The following DRD2 variants were observed in gnomAD, a reference collection of about 807,000 sequenced individuals.
The protein encoded by DRD2 is D(2) dopamine receptor.
Under a neutral mutation model 38.0 loss-of-function variants are expected in DRD2, and 8 were observed. That is an observed-to-expected ratio of 0.21 (90% CI 0.12 to 0.38). DRD2 has a LOEUF of 0.38. Ranked by LOEUF, DRD2 falls within the 10% of genes least tolerant of loss-of-function variation. The probability of loss-of-function intolerance (pLI) is 1.00; values close to 1 mark genes in which losing one functional copy is unlikely to be tolerated. For synonymous variants in DRD2, 230 were observed against 238.6 expected (o/e 0.96, Z 0.33); for missense variants, 403 against 607.7 (o/e 0.66, Z 3.54).
rs149926361 is a variant in DRD2 at position 113,412,769 on chromosome 11, C to T, written c.925G>A (p.Asp309Asn). Residue 309 changes from aspartate to asparagine, a missense_variant, in exon 7 of 8, where the codon GAC (aspartate) becomes AAC (asparagine). Around this residue, in one of 4 missense-constraint regions of DRD2, gnomAD observed 166 missense variants for 178.6 expected, o/e 0.93. Transcript: ENST00000362072. ...PPSHHQLTLPDPSHHGLHSTP... is the reference protein window; with the variant it reads ...PPSHHQLTLPNPSHHGLHSTP... The stretch of plus-strand genomic sequence containing the variant: ...CTGTGGAGACCATGGTGGGACGGGT[C>T]GGGGAGAGTCAGCTGGTGGTGGCTG... The T allele has an allele frequency of 6.3e-5, 102 of 1,612,718 alleles. No homozygotes were observed. The highest frequency in any genetic ancestry group is 2.0e-4 in the South Asian group (18 of 90,958).
chr11:113,436,480 T>C (rs1231887393), intron 1 of DRD2, among the ~76,000 whole-genome samples: 1 of 152,184 alleles, frequency 6.6e-6, no homozygotes, highest in African/African-American at 2.4e-5. Context: ...ATCTAAACAG[T>C]AGATTTTTTA....
At chr11:113,437,128 C>T (rs1368060641) in intron 1 of DRD2, among the ~76,000 whole-genome samples, 8 of 152,162 alleles carry the variant, frequency 5.3e-5, no homozygotes, top group East Asian at 3.9e-4. Flanking sequence ...CTACTGAGCA[C>T]CTATTGCAGG....
intron 1 of DRD2, among the ~76,000 whole-genome samples, chr11:113,442,399 G>A (rs372313218): frequency 2.6e-5 from 4 of 152,314 alleles, no homozygotes; most frequent in African/African-American, 7.2e-5. Context: ...AGCTACAAAG[G>A]CTGTGTCTGA....
rs138857345 is a variant in DRD2 at position 113,472,047 on chromosome 11, G to C, written c.-32+3029C>G. On this transcript the variant is annotated intron_variant, in intron 1 of 7. Transcript: ENST00000362072. ...GTGTTGAGGCACCTTCACTGTTGGA[G>C]ATTCATAGGTATTAAGCCACAAAGC... Among the ~76,000 whole-genome samples, 272 of 152,312 alleles carry C rather than the reference G, an allele frequency of 1.8e-3. 2 individuals carry two copies. Among genetic ancestry groups the C allele is most frequent in the African/African-American group, 6.2e-3 (259 of 41,560 alleles).
intron 1 of DRD2, among the ~76,000 whole-genome samples, chr11:113,429,414 T>G (rs1950966902): frequency 6.6e-6 from 1 of 152,114 alleles, no homozygotes; most frequent in Admixed American, 6.5e-5. Context: ...CCAGCTAATT[T>G]TTTTGTATTT....
intron 7 of DRD2, 24 bp from the exon 8 acceptor site, chr11:113,410,944 C>T (rs199763428): frequency 1.3e-6 from 2 of 1,597,534 alleles, no homozygotes; most frequent in Non-Finnish European, 1.7e-6. Flanking sequence ...CATGGTCAGG[C>T]TGGTCCCCAG....
intron 5 of DRD2, 79 bp downstream of exon 5, chr11:113,415,342 C>T (rs1317309763): frequency 1.3e-6 from 2 of 1,513,554 alleles, no homozygotes; most frequent in Non-Finnish European, 1.8e-6. Flanking sequence ...TTCCCAAGCC[C>T]CCACCTGAGC....
intron 1 of DRD2, among the ~76,000 whole-genome samples, chr11:113,456,679 A>G (rs2119937902): frequency 6.6e-6 from 1 of 152,288 alleles, no homozygotes; most frequent in South Asian, 2.1e-4. Context: ...GCATTATGTG[A>G]GGTATCTAAA....
intron 1 of DRD2, among the ~76,000 whole-genome samples, chr11:113,457,228 G>A (rs1205150596): frequency 1.3e-5 from 2 of 152,130 alleles, no homozygotes; most frequent in African/African-American, 2.4e-5. Flanking sequence ...CACATCAGAT[G>A]GTCTCTCTCC....
At chr11:113,415,253 C>T in intron 5 of DRD2, 168 bp downstream of exon 5, 1 of 718,114 alleles carries the variant, frequency 1.4e-6, no homozygotes, top group Non-Finnish European at 2.1e-6. Flanking sequence ...GATTGCTCCA[C>T]TGAGGTCCAT....
At chr11:113,461,866 A>G (rs756676404) in intron 1 of DRD2, among the ~76,000 whole-genome samples, 9 of 152,198 alleles carry the variant, frequency 5.9e-5, no homozygotes, top group Non-Finnish European at 1.3e-4. Context: ...TCTTATGACT[A>G]TAAAAGGCAT....
chr11:113,454,640 C>T (rs1206321831), intron 1 of DRD2, among the ~76,000 whole-genome samples: 1 of 152,188 alleles, frequency 6.6e-6, no homozygotes, highest in Non-Finnish European at 1.5e-5. Flanking sequence ...AAAGTCAGAG[C>T]TCCCTGGACC....
In DRD2 at chr11:113,413,001, C is replaced by A. The variant is rs111786366; in HGVS notation, c.811-118G>T. 261 of 1,183,872 alleles carry A rather than the reference C, an allele frequency of 2.2e-4. No homozygotes were observed. The African/African-American group carries it at 3.3e-3, about 15-fold the overall frequency. The allele number at this position is 1,183,872 out of a possible 1,614,324, so 73.3% of individuals were successfully genotyped here. A position where few individuals can be genotyped will look rare whatever the true frequency, so the allele number is the denominator to read the frequency against. Reference sequence around the variant, plus strand: ...GACTCCTGCAAACACCACAGGGTCACCCTGCCAGGGAGGCAAGGATGTCAC... The same window carrying A: ...GACTCCTGCAAACACCACAGGGTCAACCTGCCAGGGAGGCAAGGATGTCAC... On this transcript the variant is annotated intron_variant, in intron 6 of 7. Transcript: ENST00000362072.
intron 1 of DRD2, among the ~76,000 whole-genome samples, chr11:113,449,114 G>A (rs192962047): frequency 2.6e-5 from 4 of 152,268 alleles, no homozygotes; most frequent in South Asian, 2.1e-4. Context: ...TGCAGCTGGC[G>A]TTGATCTAGT....
chr11:113,419,782 C>T (rs1286610503), intron 2 of DRD2, among the ~76,000 whole-genome samples: 1 of 152,204 alleles, frequency 6.6e-6, no homozygotes, highest in Non-Finnish European at 1.5e-5. Flanking sequence ...CTCTTCTGCT[C>T]CTAGGCATCC....
intron 1 of DRD2, among the ~76,000 whole-genome samples, chr11:113,467,681 G>A (rs927390261): frequency 1.3e-5 from 2 of 152,202 alleles, no homozygotes; most frequent in African/African-American, 2.4e-5. Context: ...CCAACCATGA[G>A]GTAGCAGACA....
In DRD2 at chr11:113,412,725, G is replaced by T; in HGVS notation, c.969C>A (p.Ala323=). 6.2e-7 allele frequency: 1 copy of T among 1,614,220 alleles called. No homozygotes were observed. Among genetic ancestry groups the T allele is most frequent in the Non-Finnish European group, 8.5e-7 (1 of 1,180,054 alleles). Residue 323 remains alanine, a synonymous_variant, in exon 7 of 8, where the codon GCC becomes GCA. Transcript: ENST00000362072. Reference sequence around the variant, plus strand: ...TGGCATGCCCATTCTTCTCTGGTTTGGCGGGGCTGTCGGGAGTGCTGTGGA... The same window carrying T: ...TGGCATGCCCATTCTTCTCTGGTTTTGCGGGGCTGTCGGGAGTGCTGTGGA... The part of the protein sequence containing the change: ...HGLHSTPDSP[A]KPEKNGHAKD...
intron 3 of DRD2, among the ~76,000 whole-genome samples, chr11:113,417,352 A>G (rs183427327): frequency 5.3e-5 from 8 of 152,336 alleles, no homozygotes; most frequent in Non-Finnish European, 1.2e-4. Flanking sequence ...TAAGGTGGAA[A>G]TGTTTGTTGA....
At chr11:113,424,152 C>A (rs772972892) in intron 2 of DRD2, among the ~76,000 whole-genome samples, 8 of 152,194 alleles carry the variant, frequency 5.3e-5, no homozygotes, top group Non-Finnish European at 1.2e-4. Context: ...TGAGGCCCAG[C>A]ACTTAGTAAG....
Sources: allele counts gnomAD v4.1 joint callset (sites outside exome capture counted in the v4.1 genomes callset), GRCh38; gene constraint gnomAD v4.1.1; regional missense constraint gnomAD v4.1.1; transcripts MANE v1.5; gene names NCBI Gene and HGNC (gene_info 2026-07-23, HGNC 2026-07-21).